The following TMEM117 variants were observed in gnomAD, a reference collection of about 807,000 sequenced individuals.
TMEM117 encodes transmembrane protein 117.
TMEM117 carries 27 observed loss-of-function variants against 52.4 expected under a neutral mutation model. That is an observed-to-expected ratio of 0.51 (90% CI 0.38 to 0.71). The LOEUF (loss-of-function observed/expected upper bound fraction) is 0.71, where lower values mean the gene tolerates loss of function less well. TMEM117 is among the 30% of genes least tolerant of loss of function. The pLI, the probability that TMEM117 is intolerant of heterozygous loss-of-function variation, is 0.00. For missense variants in TMEM117, 556 were observed against 630.5 expected (o/e 0.88, Z 1.26); for synonymous variants, 215 against 206.3 (o/e 1.04, Z -0.36).
chr12:43,954,082 A>C (rs1482352365), intron 3 of TMEM117, among the ~76,000 whole-genome samples: 2 of 152,232 alleles, frequency 1.3e-5, no homozygotes, highest in Non-Finnish European at 2.9e-5. Context: ...TTAAGGCAGA[A>C]ATCAAGAAGT....
chr12:44,044,290 G>C (rs1946847380), intron 3 of TMEM117, among the ~76,000 whole-genome samples: 1 of 152,194 alleles, frequency 6.6e-6, no homozygotes, highest in Non-Finnish European at 1.5e-5. Flanking sequence ...TGTCATCTAG[G>C]ATTTTGGAGC....
At chr12:44,209,858 G>T (rs546369127) in intron 4 of TMEM117, among the ~76,000 whole-genome samples, 46 of 152,186 alleles carry the variant, frequency 3.0e-4, no homozygotes, top group African/African-American at 1.1e-3. Flanking sequence ...TTGACATGCC[G>T]GTGAATGTTT....
intron 6 of TMEM117, among the ~76,000 whole-genome samples, chr12:44,375,176 G>A (rs1951924519): frequency 6.6e-6 from 1 of 152,098 alleles, no homozygotes; most frequent in South Asian, 2.1e-4. Flanking sequence ...CTCCTTTAAT[G>A]CATCTTAAGT....
At chr12:44,228,878 A>G (rs1949898386) in intron 5 of TMEM117, among the ~76,000 whole-genome samples, 1 of 152,160 alleles carries the variant, frequency 6.6e-6, no homozygotes, top group Middle Eastern at 3.2e-3. Flanking sequence ...AGGGTGTAGC[A>G]GAAACCCATT....
chr12:44,157,808 C>T (rs1040934107), intron 4 of TMEM117, among the ~76,000 whole-genome samples: 1 of 152,048 alleles, frequency 6.6e-6, no homozygotes, highest in African/African-American at 2.4e-5. Context: ...ATCATAGTCC[C>T]ATTTATTAAA....
intron 5 of TMEM117, among the ~76,000 whole-genome samples, chr12:44,242,075 T>G (rs1462776388): frequency 6.6e-6 from 1 of 151,910 alleles, no homozygotes. Context: ...TTGTGAATAT[T>G]TAACATTCTC....
chr12:44,304,674 C>T (rs1290181076), intron 6 of TMEM117, among the ~76,000 whole-genome samples: 3 of 152,178 alleles, frequency 2.0e-5, no homozygotes, highest in Non-Finnish European at 4.4e-5. Flanking sequence ...CCTGAGGCCC[C>T]TATTTCAGGT....
At chr12:43,848,940 T>C (rs541838688) in intron 2 of TMEM117, among the ~76,000 whole-genome samples, 65 of 152,070 alleles carry the variant, frequency 4.3e-4, no homozygotes, top group African/African-American at 1.5e-3. Context: ...ACAGCTGAGA[T>C]GGGAGTAAGA....
Position 44,388,613 on chromosome 12 carries a change from A to T in TMEM117, c.1486A>T (p.Thr496Ser). 6.2e-7 allele frequency: 1 copy of T among 1,613,468 alleles called. No homozygotes were observed. The highest frequency in any genetic ancestry group is 1.1e-5 in the South Asian group (1 of 91,068). The change falls in exon 8 of 8, where the codon ACT (threonine) becomes TCT (serine). Residue 496 changes from threonine (T) to serine (S), a missense_variant. Transcript: ENST00000266534. ...ENLSSQLNES[T>S]SATEADQDPT... Reference sequence around the variant, plus strand: ...CTTGAGCTCACAGTTGAACGAATCTACTAGTGCAACAGAAGCTGATCAAGA... The same window carrying T: ...CTTGAGCTCACAGTTGAACGAATCTTCTAGTGCAACAGAAGCTGATCAAGA...
At chr12:44,296,854 G>A (rs940313090) in intron 5 of TMEM117, among the ~76,000 whole-genome samples, 1 of 152,170 alleles carries the variant, frequency 6.6e-6, no homozygotes. Flanking sequence ...TGATTCTGGT[G>A]GCAGGACAAA....
At chr12:44,181,477 A>G (rs11182433) in intron 4 of TMEM117, among the ~76,000 whole-genome samples, 2 of 150,020 alleles carry the variant, frequency 1.3e-5, no homozygotes, top group African/African-American at 2.4e-5. Context: ...TAGGGTTTTT[A>G]TGGTTTTAGG....
the TMEM117 span, among the ~76,000 whole-genome samples, chr12:43,811,595 T>C: frequency 2.0e-5 from 3 of 152,226 alleles, no homozygotes; most frequent in Non-Finnish European, 4.4e-5. Context: ...AGTAAAAATA[T>C]CCTTCATCAT....
intron 4 of TMEM117, among the ~76,000 whole-genome samples, chr12:44,205,025 T>C (rs1002694366): frequency 3.9e-5 from 6 of 152,128 alleles, no homozygotes; most frequent in Non-Finnish European, 1.5e-5. Flanking sequence ...CCGTAAGCAA[T>C]TGCAACCAAA....
chr12:43,883,708 C>T (rs1215337571), intron 2 of TMEM117, among the ~76,000 whole-genome samples: 1 of 150,672 alleles, frequency 6.6e-6, no homozygotes, highest in East Asian at 1.9e-4. Flanking sequence ...ATGTGAAAAA[C>T]GTTCAGATGA....
At chr12:43,800,491 G>C in the TMEM117 span, 1 of 1,613,546 alleles carries the variant, frequency 6.2e-7, no homozygotes, top group Non-Finnish European at 8.5e-7. Context: ...TCCTTCTTCA[G>C]AGTTGCTCTT....
chr12:44,328,804 A>G (rs1460960768), intron 6 of TMEM117, among the ~76,000 whole-genome samples: 2 of 152,054 alleles, frequency 1.3e-5, no homozygotes, highest in African/African-American at 2.4e-5. Flanking sequence ...AAGTGTCATA[A>G]ATAGTTCTTA....
intron 3 of TMEM117, among the ~76,000 whole-genome samples, chr12:43,946,961 G>A (rs984932842): frequency 9.2e-5 from 14 of 152,106 alleles, no homozygotes; most frequent in African/African-American, 2.7e-4. Context: ...GAAAAGCATC[G>A]TTTACTGAGA....
intron 5 of TMEM117, among the ~76,000 whole-genome samples, chr12:44,278,120 C>T (rs780263303): frequency 1.3e-5 from 2 of 152,064 alleles, no homozygotes; most frequent in Non-Finnish European, 2.9e-5. Flanking sequence ...AGATAATCTC[C>T]CTTTTGATGA....
At chr12:43,861,723 C>G (rs1489165259) in intron 2 of TMEM117, among the ~76,000 whole-genome samples, 1 of 152,182 alleles carries the variant, frequency 6.6e-6, no homozygotes, top group African/African-American at 2.4e-5. Context: ...GTTATACATT[C>G]ATTCGAGAGA....
Sources: allele counts gnomAD v4.1 joint callset (sites outside exome capture counted in the v4.1 genomes callset), GRCh38; gene constraint gnomAD v4.1.1; transcripts MANE v1.5; gene names NCBI Gene and HGNC (gene_info 2026-07-23, HGNC 2026-07-21).